Variants in AEBP2 observed in about 807,000 individuals in gnomAD.
The protein encoded by AEBP2 is AE binding protein 2.
Under a neutral mutation model 50.8 loss-of-function variants are expected in AEBP2, and 10 were observed. The observed-to-expected ratio is 0.20, with a 90% CI of 0.12 to 0.33. The LOEUF (loss-of-function observed/expected upper bound fraction) is 0.33. Among genes scored for constraint, AEBP2 ranks in the 10% least tolerant of loss-of-function variants. AEBP2 has a pLI of 1.00. For missense variants in AEBP2, 570 were observed against 688.0 expected, an observed-to-expected ratio of 0.83 and a Z score of 1.92; for synonymous variants, 296 against 261.3, an observed-to-expected ratio of 1.13 and a Z score of -1.28.
chr12:19,469,787 C>T (rs1376248985), intron 2 of AEBP2, among the ~76,000 whole-genome samples: 1 of 152,168 alleles, frequency 6.6e-6, no homozygotes. Flanking sequence ...CAACCTAATA[C>T]AACACAATTT....
At chr12:19,413,082 G>C in intron 1 of AEBP2, 1 of 578,934 alleles carries the variant, frequency 1.7e-6, no homozygotes, top group East Asian at 3.2e-5. Context: ...TCAGCTTTTG[G>C]AGCCAGCAGC....
At chr12:19,404,856 G>A (rs1349090063) in intron 1 of AEBP2, among the ~76,000 whole-genome samples, 2 of 151,550 alleles carry the variant, frequency 1.3e-5, no homozygotes, top group African/African-American at 4.9e-5. Flanking sequence ...GAAACGCAGG[G>A]CCATATGTTA....
intron 7 of AEBP2, among the ~76,000 whole-genome samples, chr12:19,517,840 T>C (rs535239632): frequency 6.6e-6 from 1 of 152,374 alleles, no homozygotes; most frequent in South Asian, 2.1e-4. Context: ...TTGGCTAAAA[T>C]ATATGTATTA....
chr12:19,447,317 C>G (rs780289143), intron 1 of AEBP2, among the ~76,000 whole-genome samples: 2 of 152,172 alleles, frequency 1.3e-5, no homozygotes, highest in Non-Finnish European at 1.5e-5. Context: ...GACATATTGT[C>G]AGCATTCCGA....
At chr12:19,433,641 G>A (rs1415573478) in intron 1 of AEBP2, among the ~76,000 whole-genome samples, 2 of 151,604 alleles carry the variant, frequency 1.3e-5, no homozygotes, top group Non-Finnish European at 2.9e-5. Context: ...TTAGCTGGGC[G>A]TGATGGCAGG....
intron 1 of AEBP2, among the ~76,000 whole-genome samples, chr12:19,453,661 T>A (rs1315334390): frequency 1.3e-5 from 2 of 151,776 alleles, no homozygotes; most frequent in Admixed American, 1.3e-4. Flanking sequence ...CAACCTCAGG[T>A]GATCCACCCG....
Position 19,487,666 on chromosome 12 carries a change from C to T in AEBP2, c.988-6134C>T, listed in dbSNP as rs892725414. On this transcript the variant is annotated intron_variant, in intron 3 of 7. Coordinates refer to ENST00000266508, the MANE Select transcript of AEBP2 (RefSeq NM_153207.5). ...CTGGGAGGCAGAGGTTGCAGTGAAC[C>T]GAGGTCACGCCACTGCACTCGTCTG... 5.9e-5 allele frequency among the ~76,000 whole-genome samples: 9 copies of T among 151,742 alleles called. No individual in the cohort carries two copies. The South Asian group carries it at 1.3e-3, about 21-fold the overall frequency.
At chr12:19,509,207 A>C (rs926475338) in intron 5 of AEBP2, 2 of 382,196 alleles carry the variant, frequency 5.2e-6, no homozygotes, top group Non-Finnish European at 1.0e-5. Context: ...GGAGTAGAAA[A>C]TTGGGGTGTA....
At chr12:19,434,136 C>A (rs777684693) in intron 1 of AEBP2, among the ~76,000 whole-genome samples, 5 of 150,766 alleles carry the variant, frequency 3.3e-5, no homozygotes, top group Non-Finnish European at 5.9e-5. Context: ...TGAGCCACTG[C>A]GCCCAGCCAA....
chr12:19,455,964 A>C (rs1032621386), intron 1 of AEBP2, among the ~76,000 whole-genome samples: 1 of 151,918 alleles, frequency 6.6e-6, no homozygotes, highest in Non-Finnish European at 1.5e-5. Flanking sequence ...TTCCTCATTA[A>C]ACTTTTTTAG....
intron 1 of AEBP2, chr12:19,457,119 C>T: frequency 1.3e-6 from 2 of 1,599,986 alleles, no homozygotes; most frequent in Non-Finnish European, 8.5e-7. Context: ...TGTTGACTTC[C>T]TTAACAATTT....
intron 4 of AEBP2, among the ~76,000 whole-genome samples, chr12:19,496,402 C>G (rs1948982048): frequency 6.6e-6 from 1 of 152,044 alleles, no homozygotes; most frequent in Non-Finnish European, 1.5e-5. Flanking sequence ...ACTTTATAAA[C>G]TTTAAAAAGG....
chr12:19,515,238 A>T (rs1288293631), intron 7 of AEBP2, among the ~76,000 whole-genome samples: 2 of 152,176 alleles, frequency 1.3e-5, no homozygotes, highest in Non-Finnish European at 2.9e-5. Flanking sequence ...TAGAGTGTTC[A>T]CATTTCTAGT....
intron 7 of AEBP2, among the ~76,000 whole-genome samples, chr12:19,516,765 G>A (rs762354750): frequency 6.6e-6 from 1 of 152,110 alleles, no homozygotes; most frequent in East Asian, 1.9e-4. Flanking sequence ...GGTGGTTCAC[G>A]CCCATTATCC....
intron 5 of AEBP2, among the ~76,000 whole-genome samples, chr12:19,509,824 T>TC (rs2120584076): frequency 9.9e-6 from 1 of 100,560 alleles, no homozygotes; most frequent in African/African-American, 3.4e-5. Context: ...TACTTTCTTT[T>TC]TTTTTTTTTT....
intron 5 of AEBP2, among the ~76,000 whole-genome samples, chr12:19,504,203 G>T (rs1371713753): frequency 6.6e-6 from 1 of 151,086 alleles, no homozygotes; most frequent in East Asian, 1.9e-4. Context: ...AACTAAAAAG[G>T]TTGTATTGTC....
intron 6 of AEBP2, among the ~76,000 whole-genome samples, chr12:19,513,320 G>T (rs1417137177): frequency 3.8e-5 from 3 of 78,016 alleles, no homozygotes; most frequent in Admixed American, 1.3e-4. Flanking sequence ...TATATTTCAT[G>T]TATTTTTTTA....
chr12:19,428,539 C>T (rs756710964), intron 1 of AEBP2, among the ~76,000 whole-genome samples: 3 of 152,160 alleles, frequency 2.0e-5, no homozygotes, highest in East Asian at 1.9e-4. Flanking sequence ...AGGCTGGGTG[C>T]GGTGGCTCAC....
chr12:19,424,210 T>G (rs1054783378), intron 1 of AEBP2, among the ~76,000 whole-genome samples: 3 of 150,312 alleles, frequency 2.0e-5, no homozygotes, highest in East Asian at 2.0e-4. Context: ...AAGAGAAGAG[T>G]GGCAAGGAAG....
Sources: gnomAD v4.1 joint callset for allele counts (sites outside exome capture counted in the v4.1 genomes callset) on GRCh38, gnomAD v4.1.1 for gene constraint, MANE v1.5 for transcripts, NCBI Gene and HGNC (gene_info 2026-07-23, HGNC 2026-07-21) for gene names.